Variants in ERC2 observed in about 807,000 individuals in gnomAD.
ERC2 encodes the protein ELKS/RAB6-interacting/CAST family member 2.
A neutral mutation model predicts 114.8 loss-of-function variants in ERC2; 42 were observed. The observed-to-expected ratio is 0.37, with a 90% confidence interval of 0.29 to 0.47. The LOEUF (loss-of-function observed/expected upper bound fraction) is 0.47, where lower values mean the gene tolerates loss of function less well. Among genes scored for constraint, ERC2 ranks in the 20% least tolerant of loss-of-function variants. The pLI, the probability that ERC2 is intolerant of heterozygous loss-of-function variation, is 0.99. For synonymous variants in ERC2, 454 were observed against 425.5 expected (o/e 1.07, Z -0.82); for missense variants, 939 against 1,150.7 (o/e 0.82, Z 2.66).
intron 7 of ERC2, among the ~76,000 whole-genome samples, chr3:56,070,501 G>A (rs569730170): frequency 1.2e-4 from 18 of 151,342 alleles, no homozygotes; most frequent in Admixed American, 5.9e-4. Flanking sequence ...GTGAAATTGA[G>A]TATAGAATAT....
chr3:55,606,691 T>C (rs2058657322), intron 17 of ERC2: 1 of 152,186 alleles, frequency 6.6e-6, no homozygotes, highest in African/African-American at 2.4e-5. Flanking sequence ...AGCCCCCAAA[T>C]CCAAGCTCAT....
chr3:56,215,410 T>A (rs1242317996), intron 3 of ERC2, among the ~76,000 whole-genome samples: 1 of 152,172 alleles, frequency 6.6e-6, no homozygotes, highest in Admixed American at 6.5e-5. Context: ...CATTACATAA[T>A]GGTAAAGGGA....
intron 4 of ERC2, among the ~76,000 whole-genome samples, chr3:56,164,273 T>G (rs1334445801): frequency 6.6e-6 from 1 of 151,940 alleles, no homozygotes; most frequent in African/African-American, 2.4e-5. Flanking sequence ...TCCCCCTAGC[T>G]CCTGGCAATC....
chr3:56,112,091 T>G (rs2078992378), intron 6 of ERC2, among the ~76,000 whole-genome samples: 1 of 152,190 alleles, frequency 6.6e-6, no homozygotes, highest in South Asian at 2.1e-4. Context: ...GGCAAATGCT[T>G]TTTAGATGTT....
intron 2 of ERC2, among the ~76,000 whole-genome samples, chr3:56,384,087 T>C (rs938639419): frequency 5.9e-5 from 9 of 152,188 alleles, no homozygotes; most frequent in African/African-American, 2.2e-4. Flanking sequence ...ATTTTATTTA[T>C]CCATTCATCC....
chr3:56,207,908 C>A (rs1335492104), intron 3 of ERC2, among the ~76,000 whole-genome samples: 1 of 152,112 alleles, frequency 6.6e-6, no homozygotes, highest in Non-Finnish European at 1.5e-5. Context: ...CTTCTCAATT[C>A]CCCAATCACC....
At chr3:55,710,747 G>A (rs58344815) in intron 15 of ERC2, among the ~76,000 whole-genome samples, 2,908 of 152,282 alleles carry the variant, frequency 0.019, 94 homozygotes, top group African/African-American at 0.067. Context: ...AGACCGTCTC[G>A]TAGACTAGAG....
At chr3:55,808,743 A>ATATATATAT (rs2059598300) in intron 14 of ERC2, among the ~76,000 whole-genome samples, 2 of 97,884 alleles carry the variant, frequency 2.0e-5, no homozygotes, top group Non-Finnish European at 4.0e-5. Context: ...ATATATATAT[A>ATATATATAT]ACGTATAACT....
chr3:56,095,752 C>T (rs968922936), intron 6 of ERC2, among the ~76,000 whole-genome samples: 1 of 152,096 alleles, frequency 6.6e-6, no homozygotes, highest in African/African-American at 2.4e-5. Context: ...TAATTGATTG[C>T]CTGCATTTCT....
intron 17 of ERC2, among the ~76,000 whole-genome samples, chr3:55,675,024 G>A (rs1040747308): frequency 6.6e-6 from 1 of 152,190 alleles, no homozygotes; most frequent in African/African-American, 2.4e-5. Context: ...TGCAAGGCAT[G>A]CATGGACCCA....
At position 55,843,829 on chromosome 3, in the gene ERC2, T is replaced by C. The variant is rs551301858; in HGVS notation, c.2564+44560A>G. On this transcript the variant is annotated intron_variant, in intron 14 of 17. Transcript: ENST00000288221. ...ACACTGGATCATATTAGCTCTCTCC[T>C]CCCAATTTCCTGTTCATAAAGCTTG... 1.1e-3 allele frequency among the ~76,000 whole-genome samples: 169 copies of C among 152,322 alleles called. 1 individual carries two copies. The highest frequency in any genetic ancestry group is 3.8e-3 in the African/African-American group (158 of 41,578).
At chr3:56,327,830 C>T (rs1469850765) in intron 2 of ERC2, among the ~76,000 whole-genome samples, 2 of 152,170 alleles carry the variant, frequency 1.3e-5, no homozygotes, top group Non-Finnish European at 2.9e-5. Context: ...ACTGAGTCAT[C>T]CCAAGGCAAG....
At chr3:56,059,772 T>G (rs1405705283) in intron 7 of ERC2, among the ~76,000 whole-genome samples, 2 of 152,246 alleles carry the variant, frequency 1.3e-5, no homozygotes, top group African/African-American at 4.8e-5. Flanking sequence ...TCAAGTTATC[T>G]GGTTCTAGTC....
intron 3 of ERC2, among the ~76,000 whole-genome samples, chr3:56,183,091 G>A (rs1346725510): frequency 1.3e-5 from 2 of 152,044 alleles, no homozygotes; most frequent in Admixed American, 6.6e-5. Context: ...CAGTTACACT[G>A]AACTTTGGAT....
At chr3:56,126,787 A>G (rs1163065255) in intron 6 of ERC2, among the ~76,000 whole-genome samples, 1 of 119,248 alleles carries the variant, frequency 8.4e-6, no homozygotes, top group African/African-American at 3.4e-5. Context: ...AAGAAAGAAA[A>G]GAAAGAAGGA....
chr3:56,310,826 C>T (rs2056492513), intron 2 of ERC2, among the ~76,000 whole-genome samples: 1 of 151,930 alleles, frequency 6.6e-6, no homozygotes, highest in Non-Finnish European at 1.5e-5. Flanking sequence ...TGCATTTTAA[C>T]AAGACCCACA....
At chr3:56,102,985 C>G (rs934852756) in intron 6 of ERC2, among the ~76,000 whole-genome samples, 4 of 152,114 alleles carry the variant, frequency 2.6e-5, no homozygotes, top group African/African-American at 9.7e-5. Context: ...ATAGTCCTAT[C>G]TTTATCACTG....
intron 14 of ERC2, among the ~76,000 whole-genome samples, chr3:55,765,458 T>A (rs564665430): frequency 6.6e-6 from 1 of 152,314 alleles, no homozygotes; most frequent in African/African-American, 2.4e-5. Flanking sequence ...AGTGCAGCAA[T>A]CAATCTTTCC....
chr3:55,938,804 C>A (rs759957019), intron 13 of ERC2, among the ~76,000 whole-genome samples: 4 of 152,080 alleles, frequency 2.6e-5, no homozygotes, highest in Non-Finnish European at 1.5e-5. Flanking sequence ...GAGCCTAGAG[C>A]ACTATATTCC....
Sources: allele counts gnomAD v4.1 joint callset (sites outside exome capture counted in the v4.1 genomes callset), GRCh38; gene constraint gnomAD v4.1.1; transcripts MANE v1.5; gene names NCBI Gene and HGNC (gene_info 2026-07-23, HGNC 2026-07-21).